The following PDE4C variants were observed in gnomAD, a reference collection of about 807,000 sequenced individuals.
The protein encoded by PDE4C is 3',5'-cyclic-AMP phosphodiesterase 4C.
Under a neutral mutation model 63.9 loss-of-function variants are expected in PDE4C, and 50 were observed. The ratio of observed to expected loss-of-function variants is 0.78; its 90% confidence interval spans 0.62 to 0.99. The LOEUF is 0.99. Ranked by LOEUF, PDE4C falls within the 50% of genes least tolerant of loss-of-function variation. The pLI is 0.00. For missense variants in PDE4C, 777 were observed against 899.1 expected, an observed-to-expected ratio of 0.86 and a Z score of 1.74; for synonymous variants, 377 against 385.1, an observed-to-expected ratio of 0.98 and a Z score of 0.25.
At chr19:18,226,972 G>A (rs1360647066), upstream of PDE4C, among the ~76,000 whole-genome samples, 1 of 152,032 alleles carries the variant, frequency 6.6e-6, no homozygotes, top group Non-Finnish European at 1.5e-5. Flanking sequence ...GCCTTCCTCG[G>A]CACGTCCCTG....
chr19:18,222,230 C>A (rs144076818), exon 2 of PDE4C: 8 of 1,614,084 alleles, frequency 5.0e-6, no homozygotes, highest in South Asian at 1.1e-5. Context: ...GCTGGCTGTG[C>A]GGGACTGGAG....
At chr19:18,221,054 C>CAGGG in intron 4 of PDE4C, 51 bp downstream of exon 4, 4 of 1,290,596 alleles carry the variant, frequency 3.1e-6, no homozygotes, top group Non-Finnish European at 4.3e-6. Flanking sequence ...CGCTTTCCGC[C>CAGGG]CACCTTGTCT....
At chr19:18,244,824 T>C (rs1391551379) in intron 1 of PDE4C, among the ~76,000 whole-genome samples, 1 of 150,118 alleles carries the variant, frequency 6.7e-6, no homozygotes, top group Non-Finnish European at 1.5e-5. Context: ...TTTTTTTTCT[T>C]TTTCTTTCTT....
chr19:18,219,178 A>G, intron 8 of PDE4C, 56 bp downstream of exon 8: 1 of 1,611,556 alleles, frequency 6.2e-7, no homozygotes, highest in East Asian at 2.2e-5. Flanking sequence ...GAGATAGGGC[A>G]TCCAGACAGA....
exon 8 of PDE4C, chr19:18,219,359 C>G: frequency 6.2e-7 from 1 of 1,613,038 alleles, no homozygotes; most frequent in Non-Finnish European, 8.5e-7. Context: ...GGGGCCTCCT[C>G]AGCGGTCACC....
chr19:18,250,370 G>A (rs1372740528), upstream of PDE4C: 1 of 399,044 alleles, frequency 2.5e-6, no homozygotes, highest in African/African-American at 2.1e-5. Context: ...GAATCTCACA[G>A]CCATGACCAC....
In PDE4C at chr19:18,220,992, C is replaced by T. The variant is rs1009567802; in HGVS notation, c.450-69G>A. 14 of 1,553,028 alleles carry T rather than the reference C, an allele frequency of 9.0e-6. No individual in the cohort carries two copies. The highest frequency in any genetic ancestry group is 1.4e-5 in the African/African-American group (1 of 74,042). ...CCCCGCCCCCAAGTCCACCAGGCCC[C>T]GCCCCTCAAACCCACCTGGAGGCGC... is the stretch of plus-strand genomic sequence containing the variant. On this transcript the variant is annotated intron_variant, in intron 4 of 14. Transcript: ENST00000262805. This position sits in a 1 kb window ranked among gnomAD's most constrained non-coding sequence, Gnocchi z 5.1.
chr19:18,230,531 TA>T (rs1465778382), upstream of PDE4C, among the ~76,000 whole-genome samples: 3 of 152,108 alleles, frequency 2.0e-5, no homozygotes, highest in East Asian at 3.9e-4. Context: ...TAAATGCTTG[TA>T]GCATAAACAG....
intron 11 of PDE4C, chr19:18,217,349 A>C (rs1968243761): frequency 6.5e-6 from 1 of 153,358 alleles, no homozygotes; most frequent in Non-Finnish European, 1.4e-5. Context: ...TATTTTTTTG[A>C]GAGACAGGGT....
At position 18,219,274 on chromosome 19, in the gene PDE4C, C is replaced by T. The variant is rs555152018; in HGVS notation, c.830G>A (p.Arg277His). Reference sequence around the variant, plus strand: ...CTCCTGGTCAGTCTGGACCCCAAAGCGTGGGACAGTGGCTGAGGAGAGGCT... The same window carrying T: ...CTCCTGGTCAGTCTGGACCCCAAAGTGTGGGACAGTGGCTGAGGAGAGGCT... Residue 277 changes from arginine to histidine, a missense_variant, in exon 8 of 15, where the codon CGC becomes CAC. This residue lies in a region of PDE4C where 500 missense variants were observed against 597.8 expected (regional missense o/e 0.84). Transcript: ENST00000262805. The T allele has an allele frequency of 4.2e-4, 679 of 1,614,176 alleles. 12 individuals are homozygous for T. The South Asian group carries it at 6.9e-3, about 16-fold the overall frequency.
intron 1 of PDE4C, among the ~76,000 whole-genome samples, chr19:18,242,884 G>A (rs551067510): frequency 6.6e-6 from 1 of 152,186 alleles, no homozygotes; most frequent in Admixed American, 6.6e-5. Context: ...TTGATTCTGG[G>A]AGAATGTTGA....
At chr19:18,216,924 A>G (rs1370868168) in intron 11 of PDE4C, 29 bp from the exon 12 acceptor site, 2 of 1,571,048 alleles carry the variant, frequency 1.3e-6, no homozygotes, top group Non-Finnish European at 1.7e-6. Flanking sequence ...GAGAGCCCCA[A>G]GATCCACCCG....
upstream of PDE4C, among the ~76,000 whole-genome samples, chr19:18,251,337 G>T (rs1969226838): frequency 6.6e-6 from 1 of 151,270 alleles, no homozygotes; most frequent in Non-Finnish European, 1.5e-5. Flanking sequence ...TGTTGGCCAG[G>T]CTGGTCTTGA....
In PDE4C at chr19:18,220,118, T is replaced by A; in HGVS notation, c.706+108A>T. Reference sequence around the variant, plus strand: ...CCCTGACTCATGGGGGCTGAAGGTGTCTGTGTCTGGCTGTATCTCCCCCAG... The same window carrying A: ...CCCTGACTCATGGGGGCTGAAGGTGACTGTGTCTGGCTGTATCTCCCCCAG... On this transcript the variant is annotated intron_variant, in intron 7 of 14. Transcript: ENST00000262805. The surrounding 1 kb of genome is among the most constrained non-coding windows in gnomAD (Gnocchi z 5.1). 1 of 868,940 alleles carries A rather than the reference T, an allele frequency of 1.2e-6. No individual in the cohort carries two copies. Among genetic ancestry groups the A allele is most frequent in the South Asian group, 1.5e-5 (1 of 68,214 alleles). The allele number at this position is 868,940 out of a possible 1,614,324, so 53.8% of individuals were successfully genotyped here.
chr19:18,218,527 C>T, intron 9 of PDE4C, 29 bp from the exon 10 acceptor site: 2 of 1,612,768 alleles, frequency 1.2e-6, no homozygotes, highest in Non-Finnish European at 1.7e-6. Context: ...TGGCTCAGGG[C>T]CTTGGCCTTG....
At chr19:18,225,052 G>A (rs1181707551) in intron 1 of PDE4C, among the ~76,000 whole-genome samples, 1 of 152,242 alleles carries the variant, frequency 6.6e-6, no homozygotes, top group African/African-American at 2.4e-5. Flanking sequence ...GGAGGGTTAA[G>A]GACTGGGCCC....
chr19:18,245,939 G>A (rs1230599809), intron 1 of PDE4C, among the ~76,000 whole-genome samples: 1 of 151,752 alleles, frequency 6.6e-6, no homozygotes, highest in African/African-American at 2.4e-5. Context: ...CACCTCCCAG[G>A]TTCAAACGAT....
intron 1 of PDE4C, among the ~76,000 whole-genome samples, chr19:18,232,356 C>G (rs1230013750): frequency 1.3e-5 from 2 of 151,304 alleles, no homozygotes; most frequent in Non-Finnish European, 2.9e-5. Context: ...GAATGAGACT[C>G]TGTCTCAAAA....
intron 1 of PDE4C, among the ~76,000 whole-genome samples, chr19:18,224,675 A>G (rs544814458): frequency 7.2e-5 from 11 of 152,340 alleles, no homozygotes; most frequent in Non-Finnish European, 1.6e-4. Context: ...ACGTCCGGCT[A>G]CATGAGGGCT....
Sources: allele counts gnomAD v4.1 joint callset (sites outside exome capture counted in the v4.1 genomes callset), GRCh38; gene constraint gnomAD v4.1.1; regional missense constraint gnomAD v4.1.1; non-coding constraint Gnocchi (gnomAD v3.1); transcripts MANE v1.5; gene names NCBI Gene and HGNC (gene_info 2026-07-23, HGNC 2026-07-21).